The following FSTL5 variants were observed in gnomAD, a reference collection of about 807,000 sequenced individuals.
FSTL5 encodes follistatin-related protein 5.
A neutral mutation model predicts 89.1 loss-of-function variants in FSTL5; 62 were observed. That is an observed-to-expected ratio of 0.70 (90% CI 0.57 to 0.86). The LOEUF (loss-of-function observed/expected upper bound fraction) is 0.86, where lower values mean the gene tolerates loss of function less well. Ranked by LOEUF, FSTL5 falls within the 40% of genes least tolerant of loss-of-function variation. The pLI, the probability that FSTL5 is intolerant of heterozygous loss-of-function variation, is 0.00. For synonymous variants in FSTL5, 383 were observed against 346.2 expected (o/e 1.11, Z -1.18); for missense variants, 1,057 against 1,001.6 (o/e 1.06, Z -0.75).
intron 15 of FSTL5, among the ~76,000 whole-genome samples, chr4:161,415,881 G>A (rs1220486221): frequency 6.7e-6 from 1 of 148,496 alleles, no homozygotes; most frequent in Non-Finnish European, 1.5e-5. Flanking sequence ...ATTTGACATT[G>A]TTCTTTAATT....
At chr4:161,594,408 G>A (rs573924424) in intron 7 of FSTL5, among the ~76,000 whole-genome samples, 1 of 152,064 alleles carries the variant, frequency 6.6e-6, no homozygotes, top group Non-Finnish European at 1.5e-5. Context: ...TACGTTCTAT[G>A]TAGCTACCTA....
intron 3 of FSTL5, among the ~76,000 whole-genome samples, chr4:161,930,319 A>G (rs1730439877): frequency 6.6e-6 from 1 of 151,820 alleles, no homozygotes; most frequent in Admixed American, 6.6e-5. Flanking sequence ...ATGATTAACA[A>G]TGTTTTCTTC....
At chr4:161,717,864 T>A (rs1165075471) in intron 6 of FSTL5, among the ~76,000 whole-genome samples, 3 of 152,174 alleles carry the variant, frequency 2.0e-5, no homozygotes, top group Non-Finnish European at 4.4e-5. Flanking sequence ...TAAAGATATA[T>A]CATTTTTTCC....
intron 4 of FSTL5, among the ~76,000 whole-genome samples, chr4:161,905,325 T>C (rs980175038): frequency 2.6e-5 from 4 of 152,192 alleles, no homozygotes; most frequent in East Asian, 1.9e-4. Flanking sequence ...TATGTTATAG[T>C]TGGTGCTTAG....
intron 2 of FSTL5, among the ~76,000 whole-genome samples, chr4:162,043,807 C>T (rs544835299): frequency 1.3e-5 from 2 of 152,258 alleles, no homozygotes; most frequent in African/African-American, 4.8e-5. Context: ...GAGTAGATTC[C>T]ATTTCAAGAA....
chr4:161,842,462 T>A (rs1402026816), intron 4 of FSTL5, among the ~76,000 whole-genome samples: 1 of 152,202 alleles, frequency 6.6e-6, no homozygotes, highest in Non-Finnish European at 1.5e-5. Flanking sequence ...AATATGCTAC[T>A]GAATATATTA....
chr4:161,672,200 C>T (rs1737139703), intron 6 of FSTL5, among the ~76,000 whole-genome samples: 1 of 152,152 alleles, frequency 6.6e-6, no homozygotes, highest in Admixed American at 6.6e-5. Flanking sequence ...GTATTTCCCT[C>T]TGCCTGACTC....
intron 6 of FSTL5, among the ~76,000 whole-genome samples, chr4:161,739,129 C>A (rs929340780): frequency 1.3e-5 from 2 of 152,136 alleles, no homozygotes; most frequent in Admixed American, 1.3e-4. Context: ...AAATTCTCAT[C>A]CCCAGTATTT....
chr4:162,112,843 C>G (rs999546598), intron 1 of FSTL5, among the ~76,000 whole-genome samples: 1 of 150,694 alleles, frequency 6.6e-6, no homozygotes, highest in Non-Finnish European at 1.5e-5. Context: ...TCCATTCTTA[C>G]AAGACGTATG....
intron 6 of FSTL5, among the ~76,000 whole-genome samples, chr4:161,659,965 T>C (rs919239574): frequency 6.6e-6 from 1 of 152,114 alleles, no homozygotes; most frequent in African/African-American, 2.4e-5. Flanking sequence ...GACCTCAACA[T>C]GTATCATGTG....
chr4:161,469,767 G>A (rs967788899), intron 13 of FSTL5, among the ~76,000 whole-genome samples: 27 of 151,430 alleles, frequency 1.8e-4, no homozygotes, highest in Non-Finnish European at 2.4e-4. Flanking sequence ...CCTCCTGAGT[G>A]GCTGGGACTA....
intron 2 of FSTL5, among the ~76,000 whole-genome samples, chr4:162,051,066 TAAAAC>T (rs1203008686): frequency 1.3e-5 from 2 of 151,536 alleles, no homozygotes; most frequent in African/African-American, 4.8e-5. Context: ...AAGAAACACT[TAAAAC>T]AAAAGGACAA....
Position 161,527,819 on chromosome 4 carries a change from C to T in FSTL5, c.1312+10347G>A, listed in dbSNP as rs1017025351. On this transcript the variant is annotated intron_variant, in intron 10 of 15. Coordinates refer to ENST00000306100, the MANE Select transcript of FSTL5 (RefSeq NM_020116.5). ...GGTATATACCCAAAGGATTATAAAT[C>T]ATGCTGCTATAAAGACACATGCACA... 6.2e-4 allele frequency among the ~76,000 whole-genome samples: 94 copies of T among 151,530 alleles called. 3 individuals are homozygous for T. Among genetic ancestry groups the T allele is most frequent in the African/African-American group, 2.2e-3 (88 of 40,928 alleles).
intron 15 of FSTL5, among the ~76,000 whole-genome samples, chr4:161,440,089 C>T (rs914636956): frequency 6.6e-6 from 1 of 152,132 alleles, no homozygotes; most frequent in African/African-American, 2.4e-5. Flanking sequence ...GGTGACTTTA[C>T]AGGTCACCTC....
intron 7 of FSTL5, among the ~76,000 whole-genome samples, chr4:161,616,787 A>G (rs1449055016): frequency 6.6e-6 from 1 of 151,282 alleles, no homozygotes; most frequent in Non-Finnish European, 1.5e-5. Flanking sequence ...GGATAGGTGC[A>G]GCAAACCACC....
At chr4:161,604,844 G>A (rs1734381572) in intron 7 of FSTL5, among the ~76,000 whole-genome samples, 1 of 152,190 alleles carries the variant, frequency 6.6e-6, no homozygotes, top group South Asian at 2.1e-4. Context: ...TGCACACAGT[G>A]TGGGAGCCTG....
chr4:161,449,974 G>A (rs2126388879), intron 15 of FSTL5, among the ~76,000 whole-genome samples: 1 of 152,228 alleles, frequency 6.6e-6, no homozygotes, highest in East Asian at 1.9e-4. Flanking sequence ...ATTACACTTT[G>A]TGGCCTTCCT....
intron 7 of FSTL5, among the ~76,000 whole-genome samples, chr4:161,633,597 G>A (rs774344252): frequency 1.1e-4 from 16 of 151,834 alleles, no homozygotes; most frequent in South Asian, 2.1e-4. Flanking sequence ...CGCCTGCCTC[G>A]GCCTCCCAAA....
intron 4 of FSTL5, among the ~76,000 whole-genome samples, chr4:161,801,885 T>G (rs2126830152): frequency 6.6e-6 from 1 of 151,746 alleles, no homozygotes; most frequent in Middle Eastern, 3.4e-3. Flanking sequence ...TTCCTTTCTC[T>G]TAGCAAATAA....
Sources: allele counts gnomAD v4.1 joint callset (sites outside exome capture counted in the v4.1 genomes callset), GRCh38; gene constraint gnomAD v4.1.1; transcripts MANE v1.5; gene names NCBI Gene and HGNC (gene_info 2026-07-23, HGNC 2026-07-21).